Variants in EIF3E observed in about 807,000 individuals in gnomAD.
The protein encoded by EIF3E is eIF-3 p48.
A neutral mutation model predicts 59.3 loss-of-function variants in EIF3E; 25 were observed. The observed-to-expected ratio is 0.42, with a 90% CI of 0.31 to 0.59. The LOEUF is 0.59. Among genes scored for constraint, EIF3E ranks in the 20% least tolerant of loss-of-function variants. The pLI, the probability that EIF3E is intolerant of heterozygous loss-of-function variation, is 0.15. For missense variants in EIF3E, 317 were observed against 534.3 expected (o/e 0.59, Z 4.01); for synonymous variants, 176 against 170.2 (o/e 1.03, Z -0.26).
rs1554597651 is a variant in EIF3E at position 108,201,250 on chromosome 8, C to CACATATATATATATATATAT, written c.*634_*635insATATATATATATATATATGT. On this transcript the variant is annotated 3_prime_UTR_variant, in exon 13 of 13. Transcript: ENST00000220849. ...AATAAAAAAGGAATTAACTACTGAT[C>CACATATATATATATATATAT]ATATATATATATATATCTATCTCTC... The CACATATATATATATATATAT allele has an allele frequency of 8.1e-6, 1 of 122,892 alleles. No individual in the cohort carries two copies. The highest frequency in any genetic ancestry group is 8.0e-5 in the Admixed American group (1 of 12,558). The allele number at this position is 122,892 out of a possible 1,614,324, so 7.6% of individuals were successfully genotyped here.
chr8:108,230,695 C>T (rs1292001368), intron 5 of EIF3E, among the ~76,000 whole-genome samples: 1 of 152,026 alleles, frequency 6.6e-6, no homozygotes, highest in Non-Finnish European at 1.5e-5. Context: ...AAAGTATATC[C>T]ACAATACAAC....
In EIF3E at chr8:108,241,919, A is replaced by T; in HGVS notation, c.91-6T>A. The T allele has an allele frequency of 6.5e-7, 1 of 1,531,190 alleles. No individual in the cohort carries two copies. The highest frequency in any genetic ancestry group is 8.9e-7 in the Non-Finnish European group (1 of 1,126,066). 94.9% of individuals were successfully genotyped at this position (1,531,190 alleles called of 1,614,324 possible). On this transcript the variant is annotated splice_polypyrimidine_tract_variant and splice_region_variant and intron_variant, in intron 1 of 12. Coordinates refer to ENST00000220849, the MANE Select transcript of EIF3E (RefSeq NM_001568.3). Reference sequence around the variant, plus strand: ...AATTCCTTTTCATTATATATCTGCAAAAGAAGATAACTTTCTAATGAATAT... The same window carrying T: ...AATTCCTTTTCATTATATATCTGCATAAGAAGATAACTTTCTAATGAATAT...
rs781457091 is a variant in EIF3E at position 108,242,295 on chromosome 8, G to A, written c.91-382C>T. The stretch of plus-strand genomic sequence containing the variant: ...ATAGCTGTCACTTCTCCACATCCAG[G>A]TAATCAGTAATAAACTCCTATATGC... On this transcript the variant is annotated intron_variant, in intron 1 of 12. Coordinates refer to ENST00000220849, the MANE Select transcript of EIF3E (RefSeq NM_001568.3). 3.1e-6 allele frequency: 4 copies of A among 1,290,226 alleles called. No homozygotes were observed. In the South Asian group the frequency reaches 4.9e-5, roughly 16 times the overall value. The allele number at this position is 1,290,226 out of a possible 1,614,324, so 79.9% of individuals were successfully genotyped here.
chr8:108,208,903 C>A (rs1270205189), intron 10 of EIF3E, among the ~76,000 whole-genome samples: 2 of 152,054 alleles, frequency 1.3e-5, no homozygotes, highest in African/African-American at 4.8e-5. Flanking sequence ...AATTAAACCC[C>A]AACACAGTAA....
intron 1 of EIF3E, among the ~76,000 whole-genome samples, chr8:108,246,704 C>G (rs139252510): frequency 2.0e-4 from 31 of 152,266 alleles, no homozygotes; most frequent in African/African-American, 6.7e-4. Context: ...ACCCCTGAAA[C>G]AGCAAGACCA....
At chr8:108,241,959 A>C (rs754778885) in intron 1 of EIF3E, 46 bp from the exon 2 acceptor site, 1 of 1,345,422 alleles carries the variant, frequency 7.4e-7, no homozygotes, top group African/African-American at 1.5e-5. Context: ...AAGTTCCCCA[A>C]ATAAACTGAT....
At chr8:108,228,165 T>G in intron 7 of EIF3E, 102 bp downstream of exon 7, 26 of 1,249,396 alleles carry the variant, frequency 2.1e-5, no homozygotes, top group Admixed American at 1.2e-4. Flanking sequence ...AAAAAACAGG[T>G]GACAACAAAT....
At chr8:108,246,392 C>G (rs755801424) in intron 1 of EIF3E, among the ~76,000 whole-genome samples, 1 of 151,996 alleles carries the variant, frequency 6.6e-6, no homozygotes, top group Non-Finnish European at 1.5e-5. Flanking sequence ...TCTTTGCTCA[C>G]TGAAGATAAC....
At chr8:108,223,705 C>A (rs1586200309) in intron 7 of EIF3E, among the ~76,000 whole-genome samples, 1 of 152,312 alleles carries the variant, frequency 6.6e-6, no homozygotes, top group Admixed American at 6.5e-5. Context: ...CCTACGAACA[C>A]TGCTCTATCT....
intron 9 of EIF3E, 146 bp from the exon 10 acceptor site, chr8:108,214,862 T>G (rs1815272912): frequency 1.5e-6 from 1 of 654,324 alleles, no homozygotes; most frequent in Non-Finnish European, 2.6e-6. Context: ...GTTCAAATCT[T>G]TAATGATTTA....
In EIF3E at chr8:108,241,912, A is replaced by C; in HGVS notation, c.92T>G (p.Ile31Arg). The change falls in exon 2 of 13, where the codon ATA becomes AGA. Residue 31 changes from isoleucine (I) to arginine (R), a missense_variant and splice_region_variant. This residue lies in a region of EIF3E where 242 missense variants were observed against 398.0 expected (regional missense o/e 0.61). Transcript: ENST00000220849. ...PLLEFLSVKE[I>R]YNEKELLQGK... The stretch of plus-strand genomic sequence containing the variant: ...TTGTAATAATTCCTTTTCATTATAT[A>C]TCTGCAAAAGAAGATAACTTTCTAA... 1 of 1,558,430 alleles carries C rather than the reference A, an allele frequency of 6.4e-7. No individual in the cohort carries two copies.
At chr8:108,212,808 A>G (rs1453397208) in intron 10 of EIF3E, among the ~76,000 whole-genome samples, 1 of 35,380 alleles carries the variant, frequency 2.8e-5, no homozygotes, top group East Asian at 7.5e-4. Flanking sequence ...TCTCCCCCCA[A>G]AAAAAGAAAG....
chr8:108,248,555 G>T (rs1314486201), intron 1 of EIF3E, 58 bp downstream of exon 1: 41 of 1,570,840 alleles, frequency 2.6e-5, no homozygotes, highest in Non-Finnish European at 3.4e-5. Context: ...CCACCTTTCG[G>T]CCTTGCTCAG....
intron 7 of EIF3E, among the ~76,000 whole-genome samples, chr8:108,226,555 C>T (rs1815520395): frequency 6.6e-6 from 1 of 152,168 alleles, no homozygotes; most frequent in Non-Finnish European, 1.5e-5. Flanking sequence ...TTAAGAAGCA[C>T]TGGCTGGTAA....
intron 3 of EIF3E, among the ~76,000 whole-genome samples, chr8:108,237,493 C>T (rs948150024): frequency 6.6e-6 from 1 of 152,182 alleles, no homozygotes; most frequent in African/African-American, 2.4e-5. Flanking sequence ...CTCAAGTGAT[C>T]CACCCACCTT....
At chr8:108,211,559 T>G (rs1032926056) in intron 10 of EIF3E, among the ~76,000 whole-genome samples, 1 of 152,218 alleles carries the variant, frequency 6.6e-6, no homozygotes, top group Non-Finnish European at 1.5e-5. Context: ...TTCACTCTGA[T>G]GGTAGTTTCT....
At position 108,248,595 on chromosome 8, in the gene EIF3E, G is replaced by A; in HGVS notation, c.90+18C>T. On this transcript the variant is annotated intron_variant, in intron 1 of 12. Coordinates refer to ENST00000220849, the MANE Select transcript of EIF3E (RefSeq NM_001568.3). Reference sequence around the variant, plus strand: ...TCATCCGCCCCCACGCCTTCCTTGCGCCCAAAGACCCCCTCACCTCCTTTA... The same window carrying A: ...TCATCCGCCCCCACGCCTTCCTTGCACCCAAAGACCCCCTCACCTCCTTTA... 1 of 1,612,818 alleles carries A rather than the reference G, an allele frequency of 6.2e-7. No individual in the cohort carries two copies. The highest frequency in any genetic ancestry group is 8.5e-7 in the Non-Finnish European group (1 of 1,179,220).
At chr8:108,231,275 T>C (rs1303169682) in intron 5 of EIF3E, among the ~76,000 whole-genome samples, 6 of 152,176 alleles carry the variant, frequency 3.9e-5, no homozygotes, top group Non-Finnish European at 8.8e-5. Context: ...TATTATTTTA[T>C]GTTTCTAAAA....
chr8:108,240,720 G>A (rs1382632708), intron 2 of EIF3E, among the ~76,000 whole-genome samples: 1 of 152,188 alleles, frequency 6.6e-6, no homozygotes, highest in African/African-American at 2.4e-5. Flanking sequence ...AAGGGCGCAC[G>A]CCTGTAACCC....
Sources: gnomAD v4.1 joint callset for allele counts (sites outside exome capture counted in the v4.1 genomes callset) on GRCh38, gnomAD v4.1.1 for gene constraint, gnomAD v4.1.1 regional missense constraint, MANE v1.5 for transcripts, NCBI Gene and HGNC (gene_info 2026-07-23, HGNC 2026-07-21) for gene names.